The following VWC2L variants were observed in gnomAD, a reference collection of about 807,000 sequenced individuals.
VWC2L encodes von Willebrand factor C domain-containing protein 2-like.
In VWC2L, 10 loss-of-function variants were observed where a neutral mutation model predicts 21.6. That is an observed-to-expected ratio of 0.46 (90% CI 0.29 to 0.78). The LOEUF (loss-of-function observed/expected upper bound fraction) is 0.78, where lower values mean the gene tolerates loss of function less well. VWC2L is among the 30% of genes least tolerant of loss of function. The pLI, the probability that VWC2L is intolerant of heterozygous loss-of-function variation, is 0.10. For missense variants in VWC2L, 209 were observed against 277.1 expected (o/e 0.75, Z 1.74); for synonymous variants, 96 against 94.3 (o/e 1.02, Z -0.10).
In VWC2L at chr2:214,414,400, T is replaced by C. The variant is rs766837900; in HGVS notation, c.207T>C (p.Pro69=). The change falls in exon 2 of 4, where the codon CCT becomes CCC. Residue 69 remains proline (P), a synonymous_variant. Coordinates refer to ENST00000312504, the MANE Select transcript of VWC2L (RefSeq NM_001080500.4). ...ACAAGTTGGGAGAACGATTTTTCCC[T>C]GGGCATTCCAACTGTCCATGTGTCT... ...FVYKLGERFF[P]GHSNCPCVCA... 7 of 1,613,564 alleles carry C rather than the reference T, an allele frequency of 4.3e-6. No individual in the cohort carries two copies. The African/African-American group carries it at 8.0e-5, about 18-fold the overall frequency.
chr2:214,486,030 T>C (rs561579452), intron 3 of VWC2L, among the ~76,000 whole-genome samples: 18 of 151,654 alleles, frequency 1.2e-4, no homozygotes, highest in Non-Finnish European at 1.8e-4. Flanking sequence ...TAAGTGGTCT[T>C]TTTTCTTCCT....
intron 3 of VWC2L, among the ~76,000 whole-genome samples, chr2:214,444,240 A>T (rs958068562): frequency 6.6e-6 from 1 of 152,034 alleles, no homozygotes; most frequent in Admixed American, 6.6e-5. Context: ...ATCAGAAAAA[A>T]AATTTAATAC....
At chr2:214,418,840 CT>C (rs1166406111) in intron 2 of VWC2L, among the ~76,000 whole-genome samples, 1 of 152,192 alleles carries the variant, frequency 6.6e-6, no homozygotes, top group Non-Finnish European at 1.5e-5. Flanking sequence ...ACATTGTTCT[CT>C]TATGATAAGA....
chr2:214,553,630 G>T lies in VWC2L; in HGVS notation c.521-22042G>T, dbSNP rs1266791758. On this transcript the variant is annotated intron_variant, in intron 3 of 3. Coordinates refer to ENST00000312504, the MANE Select transcript of VWC2L (RefSeq NM_001080500.4). Reference sequence around the variant, plus strand: ...TTGTAAATGTTTTTTGTTTTATTTTGATCAGACTTAAAGAACATGTTTTAT... The same window carrying T: ...TTGTAAATGTTTTTTGTTTTATTTTTATCAGACTTAAAGAACATGTTTTAT... Among the ~76,000 whole-genome samples the T allele has an allele frequency of 3.3e-5, 5 of 152,202 alleles. 1 individual carries two copies. Among genetic ancestry groups the T allele is most frequent in the African/African-American group, 9.6e-5 (4 of 41,548 alleles).
At chr2:214,424,979 A>T (rs532324342) in intron 2 of VWC2L, among the ~76,000 whole-genome samples, 1 of 152,348 alleles carries the variant, frequency 6.6e-6, no homozygotes, top group Admixed American at 6.5e-5. Flanking sequence ...ACAAGGGTCA[A>T]CACACTATGC....
At chr2:214,438,815 G>T (rs1203917449) in intron 3 of VWC2L, among the ~76,000 whole-genome samples, 1 of 151,910 alleles carries the variant, frequency 6.6e-6, no homozygotes, top group Non-Finnish European at 1.5e-5. Flanking sequence ...GACTTTACTT[G>T]TTCAATCAGT....
intron 3 of VWC2L, among the ~76,000 whole-genome samples, chr2:214,461,363 A>G: frequency 6.6e-6 from 1 of 152,112 alleles, no homozygotes; most frequent in East Asian, 1.9e-4. Context: ...ACAACCCTCA[A>G]GTTCCAAGGG....
At chr2:214,511,046 G>T (rs1270614260) in intron 3 of VWC2L, among the ~76,000 whole-genome samples, 1 of 152,122 alleles carries the variant, frequency 6.6e-6, no homozygotes, top group Admixed American at 6.5e-5. Context: ...TGGTACTTTG[G>T]GAGGCCAAGG....
At chr2:214,436,212 A>T (rs955322249) in intron 2 of VWC2L, 1 of 163,550 alleles carries the variant, frequency 6.1e-6, no homozygotes, top group Non-Finnish European at 1.3e-5. Flanking sequence ...TTTCTCAGTA[A>T]TTCTCCTCCT....
rs1702862993 is a variant in VWC2L, at chr2:214,447,844, T to A, written c.520+11086T>A. Among the ~76,000 whole-genome samples, 6 of 152,202 alleles carry A rather than the reference T, an allele frequency of 3.9e-5. No individual in the cohort carries two copies. In the South Asian group the frequency reaches 1.2e-3, roughly 32 times the overall value. ...TCTCCACGTCATTGTTGAAGAAGGA[T>A]GCTGGGTGGTCCTGAAAAGATCCCA... On this transcript the variant is annotated intron_variant, in intron 3 of 3. Coordinates refer to ENST00000312504, the MANE Select transcript of VWC2L (RefSeq NM_001080500.4).
intron 3 of VWC2L, among the ~76,000 whole-genome samples, chr2:214,513,395 A>G (rs1689089639): frequency 6.6e-6 from 1 of 152,128 alleles, no homozygotes; most frequent in South Asian, 2.1e-4. Context: ...CCAAAATCAT[A>G]GTCCTGGGCA....
chr2:214,498,731 T>C (rs373144288), intron 3 of VWC2L, among the ~76,000 whole-genome samples: 1 of 96,940 alleles, frequency 1.0e-5, no homozygotes, highest in Admixed American at 1.1e-4. Context: ...ATATTATACA[T>C]ATACATATTT....
At chr2:214,478,481 A>C (rs1178394431) in intron 3 of VWC2L, among the ~76,000 whole-genome samples, 4 of 151,652 alleles carry the variant, frequency 2.6e-5, no homozygotes, top group Middle Eastern at 3.4e-3. Flanking sequence ...AAAAAAAAAA[A>C]CAACAAAAAA....
chr2:214,543,504 A>G lies in VWC2L; in HGVS notation c.521-32168A>G, dbSNP rs528772478. The stretch of plus-strand genomic sequence containing the variant: ...ACATTTCATAAACAGAGTTTTTTTG[A>G]AGATAGTTATCAAATATAATAGTCA... On this transcript the variant is annotated intron_variant, in intron 3 of 3. Transcript: ENST00000312504. 3.3e-5 allele frequency among the ~76,000 whole-genome samples: 5 copies of G among 152,290 alleles called. No individual in the cohort carries two copies. The South Asian group carries it at 1.0e-3, about 32-fold the overall frequency.
intron 3 of VWC2L, among the ~76,000 whole-genome samples, chr2:214,509,214 T>C (rs904655725): frequency 1.3e-5 from 2 of 152,214 alleles, no homozygotes; most frequent in African/African-American, 2.4e-5. Flanking sequence ...AAACTGAGAC[T>C]GAATTTTCCT....
chr2:214,487,796 G>T (rs1341916120), intron 3 of VWC2L, among the ~76,000 whole-genome samples: 1 of 152,138 alleles, frequency 6.6e-6, no homozygotes, highest in Non-Finnish European at 1.5e-5. Flanking sequence ...GTACCTTGTA[G>T]GTCATGATGT....
intron 3 of VWC2L, among the ~76,000 whole-genome samples, chr2:214,464,317 A>G (rs977681568): frequency 1.3e-5 from 2 of 152,042 alleles, no homozygotes; most frequent in African/African-American, 4.8e-5. Flanking sequence ...CAACTATTCA[A>G]AGGGAATTGT....
At chr2:214,477,892 T>A (rs956805305) in intron 3 of VWC2L, among the ~76,000 whole-genome samples, 4 of 152,256 alleles carry the variant, frequency 2.6e-5, no homozygotes, top group South Asian at 2.1e-4. Context: ...CTGTATGTCG[T>A]AAGTTGTTTA....
intron 3 of VWC2L, among the ~76,000 whole-genome samples, chr2:214,443,712 C>T (rs1042494816): frequency 2.0e-5 from 3 of 151,950 alleles, no homozygotes; most frequent in Non-Finnish European, 4.4e-5. Flanking sequence ...CCTAAAAGGC[C>T]GGAGTTATGT....
Sources: gnomAD v4.1 joint callset for allele counts (sites outside exome capture counted in the v4.1 genomes callset) on GRCh38, gnomAD v4.1.1 for gene constraint, MANE v1.5 for transcripts, NCBI Gene and HGNC (gene_info 2026-07-23, HGNC 2026-07-21) for gene names.